Variants in ABCB11 observed in about 807,000 individuals in gnomAD.
ABCB11 encodes the protein ATP binding cassette subfamily B member 11, also known as bile salt export pump.
A neutral mutation model predicts 148.0 loss-of-function variants in ABCB11; 95 were observed. The observed-to-expected ratio is 0.64, with a 90% CI of 0.54 to 0.76. The LOEUF is 0.76. Among genes scored for constraint, ABCB11 ranks in the 30% least tolerant of loss-of-function variants. ABCB11 has a pLI of 0.00. For synonymous variants in ABCB11, 591 were observed against 555.4 expected, an observed-to-expected ratio of 1.06 and a Z score of -0.90; for missense variants, 1,523 against 1,617.8, an observed-to-expected ratio of 0.94 and a Z score of 1.01.
chr2:168,922,765 T>C lies in ABCB11; in HGVS notation c.*857A>G, dbSNP rs931949105. Among the ~76,000 whole-genome samples the C allele has an allele frequency of 1.3e-5, 2 of 152,198 alleles. No individual in the cohort carries two copies. The highest frequency in any genetic ancestry group is 4.8e-5 in the African/African-American group (2 of 41,458). On this transcript the variant is annotated 3_prime_UTR_variant, in exon 28 of 28. Transcript: ENST00000650372. ...CTTTTCTGCCATATTTACTTGCTTTTTTGTATAAAACCTTATGAAACTACA... is the reference window on the plus strand; with the variant it reads ...CTTTTCTGCCATATTTACTTGCTTTCTTGTATAAAACCTTATGAAACTACA...
intron 18 of ABCB11, among the ~76,000 whole-genome samples, chr2:168,960,658 A>AC (rs569905841): frequency 8.2e-4 from 124 of 151,558 alleles, no homozygotes; most frequent in Non-Finnish European, 1.3e-3. Flanking sequence ...TTAAAGTTTG[A>AC]CCCCCCCGAA....
chr2:168,936,888 GTTTAT>G (rs757184607), intron 21 of ABCB11, among the ~76,000 whole-genome samples: 4 of 151,830 alleles, frequency 2.6e-5, no homozygotes, highest in African/African-American at 4.8e-5. Context: ...TTTATTTTTT[GTTTAT>G]TTTATTTTAT....
At chr2:169,006,294 T>C (rs1481363433) in intron 5 of ABCB11, among the ~76,000 whole-genome samples, 10 of 152,182 alleles carry the variant, frequency 6.6e-5, no homozygotes, top group African/African-American at 2.4e-4. Context: ...TGGGCAAAAC[T>C]GCATGATCAT....
downstream of ABCB11, among the ~76,000 whole-genome samples, chr2:168,918,999 T>C (rs1691000877): frequency 6.6e-6 from 1 of 152,040 alleles, no homozygotes; most frequent in Non-Finnish European, 1.5e-5. Context: ...TTCACCTTCA[T>C]CTTTTACAAT....
chr2:168,930,787 T>G lies in ABCB11; in HGVS notation c.3289A>C (p.Asn1097His). The G allele has an allele frequency of 6.2e-7, 1 of 1,613,720 alleles. No individual in the cohort carries two copies. Among genetic ancestry groups the G allele is most frequent in the Non-Finnish European group, 8.5e-7 (1 of 1,179,764 alleles). The change falls in exon 25 of 28, where the codon AAT becomes CAT. Residue 1097 changes from asparagine to histidine, a missense_variant. Asn to His is a moderately conservative substitution (Grantham distance 68, BLOSUM62 1). Transcript: ENST00000650372. ...YPSRPDSQVL[N>H]GLSVSISPGQ... ...GGACTAATCGACACTGAGAGACCATTCAGAACTTGCGAGTCAGGTCGAGAA... is the reference window on the plus strand; with the variant it reads ...GGACTAATCGACACTGAGAGACCATGCAGAACTTGCGAGTCAGGTCGAGAA...
intron 1 of ABCB11, among the ~76,000 whole-genome samples, chr2:169,029,726 T>TGACCAAGCAAAACACAACTCCAG (rs1558936873): frequency 1.9e-4 from 9 of 48,198 alleles, no homozygotes; most frequent in Admixed American, 9.5e-4. Flanking sequence ...TCTTTCCTCT[T>TGACCAAGCAAAACACAACTCCAG]TTTTTTTTTT....
intron 5 of ABCB11, among the ~76,000 whole-genome samples, chr2:169,001,898 T>TC (rs1333490118): frequency 6.6e-6 from 1 of 152,010 alleles, no homozygotes; most frequent in African/African-American, 2.4e-5. Flanking sequence ...GTTGACTTTT[T>TC]CCCCCCACTT....
At chr2:168,943,128 A>G (rs1420184166) in intron 21 of ABCB11, among the ~76,000 whole-genome samples, 2 of 151,972 alleles carry the variant, frequency 1.3e-5, no homozygotes, top group African/African-American at 2.4e-5. Context: ...TCTGAATTCT[A>G]GTGATAGCAA....
chr2:168,958,886 C>T (rs1692922480), intron 18 of ABCB11, among the ~76,000 whole-genome samples: 1 of 151,612 alleles, frequency 6.6e-6, no homozygotes, highest in Admixed American at 6.6e-5. Context: ...GTAATTAATT[C>T]ATTAATTTGT....
At chr2:168,994,632 T>C (rs747960076) in intron 7 of ABCB11, among the ~76,000 whole-genome samples, 1 of 152,122 alleles carries the variant, frequency 6.6e-6, no homozygotes, top group Non-Finnish European at 1.5e-5. Context: ...CTTGCATTTC[T>C]TATTTCCCCT....
At chr2:168,941,608 G>T (rs1386645821) in intron 21 of ABCB11, among the ~76,000 whole-genome samples, 1 of 152,088 alleles carries the variant, frequency 6.6e-6, no homozygotes, top group Admixed American at 6.6e-5. Context: ...TGGTGAAAAT[G>T]CTATGTTAAT....
chr2:168,920,011 C>G (rs1179195178), downstream of ABCB11, among the ~76,000 whole-genome samples: 1 of 152,004 alleles, frequency 6.6e-6, no homozygotes, highest in African/African-American at 2.4e-5. Flanking sequence ...TGGCTCATGC[C>G]ACCATGCCTG....
At chr2:169,026,892 C>T (rs549710361) in intron 1 of ABCB11, among the ~76,000 whole-genome samples, 1 of 152,194 alleles carries the variant, frequency 6.6e-6, no homozygotes, top group Non-Finnish European at 1.5e-5. Context: ...TGGTGTTTTG[C>T]CACATTATTT....
chr2:168,995,052 T>C (rs766891312), intron 7 of ABCB11, among the ~76,000 whole-genome samples: 2 of 152,038 alleles, frequency 1.3e-5, no homozygotes, highest in Admixed American at 6.6e-5. Flanking sequence ...AAACTGGATT[T>C]AAATCCAGTT....
At chr2:168,992,645 T>A (rs1694573719) in intron 8 of ABCB11, among the ~76,000 whole-genome samples, 1 of 152,226 alleles carries the variant, frequency 6.6e-6, no homozygotes, top group African/African-American at 2.4e-5. Context: ...TGGGAGGTAT[T>A]ATCCCTATTT....
At chr2:168,972,254 G>A (rs770146041) in intron 13 of ABCB11, among the ~76,000 whole-genome samples, 1 of 151,942 alleles carries the variant, frequency 6.6e-6, no homozygotes, top group Non-Finnish European at 1.5e-5. Flanking sequence ...AATTCATTGT[G>A]GAAACATAAA....
At chr2:168,997,016 A>G (rs914954892) in intron 5 of ABCB11, among the ~76,000 whole-genome samples, 1 of 151,886 alleles carries the variant, frequency 6.6e-6, no homozygotes. Context: ...TGAAATAATT[A>G]ATTAGCAGTT....
intron 1 of ABCB11, among the ~76,000 whole-genome samples, chr2:169,018,954 C>T (rs186883000): frequency 6.6e-6 from 1 of 152,258 alleles, no homozygotes; most frequent in Non-Finnish European, 1.5e-5. Flanking sequence ...GTATTTTCCC[C>T]TCAGCGTCTG....
Position 169,016,694 on chromosome 2 carries a change from A to G in ABCB11, c.98+84T>C, listed in dbSNP as rs533406576. 7.0e-5 allele frequency: 77 copies of G among 1,104,118 alleles called. No homozygotes were observed. The South Asian group carries it at 9.4e-4, about 13-fold the overall frequency. 68.4% of individuals were successfully genotyped at this position (1,104,118 alleles called of 1,614,324 possible). A position where few individuals can be genotyped will look rare whatever the true frequency, so the allele number is the denominator to read the frequency against. On this transcript the variant is annotated intron_variant, in intron 3 of 27. Coordinates refer to ENST00000650372, the MANE Select transcript of ABCB11 (RefSeq NM_003742.4). ...TTATATGAAGTGCAATGTGCATGAA[A>G]GTATTCTCTGCTTTGTGCCTTTGAT...
Sources: gnomAD v4.1 joint callset for allele counts (sites outside exome capture counted in the v4.1 genomes callset) on GRCh38, gnomAD v4.1.1 for gene constraint, MANE v1.5 for transcripts, NCBI Gene and HGNC (gene_info 2026-07-23, HGNC 2026-07-21) for gene names.